IL15: variants seen among roughly 807,000 people sequenced by gnomAD.
IL15 encodes interleukin-15.
Under a neutral mutation model 19.6 loss-of-function variants are expected in IL15, and 11 were observed. The observed-to-expected ratio is 0.56, with a 90% confidence interval of 0.35 to 0.93. IL15 has a LOEUF of 0.93. IL15 is among the 40% of genes least tolerant of loss of function. The pLI, the probability that IL15 is intolerant of heterozygous loss-of-function variation, is 0.01. For synonymous variants in IL15, 58 were observed against 59.6 expected (o/e 0.97, Z 0.12); for missense variants, 197 against 186.5 (o/e 1.06, Z -0.33).
intron 2 of IL15, among the ~76,000 whole-genome samples, chr4:141,670,951 A>G (rs1242698485): frequency 6.6e-6 from 1 of 152,210 alleles, no homozygotes; most frequent in Non-Finnish European, 1.5e-5. Context: ...GTCTGGGCTC[A>G]TGTATGCATT....
intron 2 of IL15, among the ~76,000 whole-genome samples, chr4:141,714,026 T>C (rs1729791742): frequency 6.6e-6 from 1 of 152,084 alleles, no homozygotes. Flanking sequence ...AAGGTCAGGC[T>C]CTCATACTAT....
chr4:141,703,453 A>G lies in IL15; in HGVS notation c.-99-15913A>G, dbSNP rs188890654. ...TAGAGACTCAGAATACCTGCAAGGC[A>G]CTTCCTGCGACTGCTTCTACTTTTA... is the stretch of plus-strand genomic sequence containing the variant. On this transcript the variant is annotated intron_variant, in intron 2 of 7. Coordinates refer to ENST00000320650, the MANE Select transcript of IL15 (RefSeq NM_000585.5). Among the ~76,000 whole-genome samples the G allele has an allele frequency of 7.0e-4, 106 of 152,260 alleles. No homozygotes were observed. In the East Asian group the frequency reaches 0.02, roughly 29 times the overall value.
chr4:141,713,814 C>A (rs1018700904), intron 2 of IL15, among the ~76,000 whole-genome samples: 7 of 152,124 alleles, frequency 4.6e-5, no homozygotes, highest in Non-Finnish European at 1.0e-4. Flanking sequence ...GACAAATCTC[C>A]CAATCGCTCC....
chr4:141,640,640 C>T (rs1332685115), intron 1 of IL15, among the ~76,000 whole-genome samples: 1 of 152,054 alleles, frequency 6.6e-6, no homozygotes, highest in African/African-American at 2.4e-5. Flanking sequence ...GCTCTTTAAT[C>T]TCAGTTTAGT....
chr4:141,701,961 A>G (rs538256024), intron 2 of IL15, among the ~76,000 whole-genome samples: 8 of 152,176 alleles, frequency 5.3e-5, no homozygotes, highest in Non-Finnish European at 1.0e-4. Flanking sequence ...TTGGGCTGCA[A>G]TCACCATGAA....
chr4:141,719,041 G>A (rs1293194024), intron 2 of IL15: 1 of 157,186 alleles, frequency 6.4e-6, no homozygotes, highest in African/African-American at 2.4e-5. Flanking sequence ...CTAAGTATTT[G>A]TTTGTTTTTA....
intron 2 of IL15, among the ~76,000 whole-genome samples, chr4:141,692,119 T>G (rs1354776820): frequency 1.3e-5 from 2 of 152,268 alleles, no homozygotes; most frequent in Admixed American, 1.3e-4. Flanking sequence ...GCTTGGGACT[T>G]GCACCCTCTA....
At chr4:141,642,415 G>A (rs141885225) in intron 1 of IL15, among the ~76,000 whole-genome samples, 26 of 152,254 alleles carry the variant, frequency 1.7e-4, no homozygotes, top group East Asian at 5.8e-4. Flanking sequence ...CCAGAGGTGC[G>A]TGTTGTTCAG....
At chr4:141,681,771 A>G (rs1408641408) in intron 2 of IL15, among the ~76,000 whole-genome samples, 1 of 152,102 alleles carries the variant, frequency 6.6e-6, no homozygotes, top group East Asian at 1.9e-4. Flanking sequence ...TTTTCAGTTA[A>G]TAACCCAAAG....
chr4:141,728,758 T>G (rs1013400236), intron 6 of IL15, among the ~76,000 whole-genome samples: 1 of 152,184 alleles, frequency 6.6e-6, no homozygotes, highest in Non-Finnish European at 1.5e-5. Flanking sequence ...ACTAACCAAT[T>G]GGGTCATGCT....
rs112727684 is a variant in IL15 at position 141,661,315 on chromosome 4, C to T, written c.-100+5008C>T. Among the ~76,000 whole-genome samples the T allele has an allele frequency of 2.6e-5, 4 of 152,272 alleles. No individual in the cohort carries two copies. The South Asian group carries it at 8.3e-4, about 32-fold the overall frequency. ...AGCCCTGTTTTGAGTGGGAGCTAAA[C>T]TCAAATAGGGAGTCATTCCTGGGAG... is the stretch of plus-strand genomic sequence containing the variant. On this transcript the variant is annotated intron_variant, in intron 2 of 7. Coordinates refer to ENST00000320650, the MANE Select transcript of IL15 (RefSeq NM_000585.5).
At chr4:141,680,363 A>G (rs1728493570) in intron 2 of IL15, among the ~76,000 whole-genome samples, 1 of 152,208 alleles carries the variant, frequency 6.6e-6, no homozygotes, top group Middle Eastern at 3.2e-3. Flanking sequence ...TGTTTTATGC[A>G]CTTCATTCTA....
At chr4:141,692,518 A>G (rs929822688) in intron 2 of IL15, among the ~76,000 whole-genome samples, 14 of 152,232 alleles carry the variant, frequency 9.2e-5, no homozygotes, top group Non-Finnish European at 1.9e-4. Context: ...CTGTGAGAGC[A>G]CATAAATACA....
At chr4:141,700,179 A>G (rs1318047364) in intron 2 of IL15, among the ~76,000 whole-genome samples, 1 of 151,978 alleles carries the variant, frequency 6.6e-6, no homozygotes, top group African/African-American at 2.4e-5. Context: ...TCAGCCCCTC[A>G]AAGTGCTGGG....
chr4:141,713,326 C>T (rs984349451), intron 2 of IL15, among the ~76,000 whole-genome samples: 2 of 152,122 alleles, frequency 1.3e-5, no homozygotes, highest in Admixed American at 6.6e-5. Context: ...TTTATCAAAA[C>T]CGACTAGTTA....
chr4:141,645,357 C>G (rs1403319700), intron 1 of IL15, among the ~76,000 whole-genome samples: 1 of 152,146 alleles, frequency 6.6e-6, no homozygotes, highest in Non-Finnish European at 1.5e-5. Flanking sequence ...ATGCCACACA[C>G]CTGATTTGAT....
rs139006591 is a variant in IL15 at position 141,685,256 on chromosome 4, G to A, written c.-100+28949G>A. On this transcript the variant is annotated intron_variant, in intron 2 of 7. Coordinates refer to ENST00000320650, the MANE Select transcript of IL15 (RefSeq NM_000585.5). ...AGGATTTTATCTAAAGTTTGGATAT[G>A]TGCTTATATGCATTTTTCTGAGGAG... 1.8e-3 allele frequency among the ~76,000 whole-genome samples: 277 copies of A among 152,280 alleles called. 3 individuals are homozygous for A. Among genetic ancestry groups the A allele is most frequent in the Non-Finnish European group, 3.4e-4 (23 of 68,020 alleles).
At chr4:141,730,339 C>T (rs1730410716) in intron 7 of IL15, among the ~76,000 whole-genome samples, 1 of 152,126 alleles carries the variant, frequency 6.6e-6, no homozygotes, top group Non-Finnish European at 1.5e-5. Context: ...ATAATAGTAA[C>T]TCACATTTAT....
chr4:141,728,496 T>G (rs556119141), intron 6 of IL15, among the ~76,000 whole-genome samples: 1 of 152,236 alleles, frequency 6.6e-6, no homozygotes, highest in South Asian at 2.1e-4. Context: ...TTATTAGAAC[T>G]GAAAAATGGT....
Sources: allele counts gnomAD v4.1 joint callset (sites outside exome capture counted in the v4.1 genomes callset), GRCh38; gene constraint gnomAD v4.1.1; transcripts MANE v1.5; gene names NCBI Gene and HGNC (gene_info 2026-07-23, HGNC 2026-07-21).